TCF4: variants seen among roughly 807,000 people sequenced by gnomAD.
The protein encoded by TCF4 is SL3-3 enhancer factor 2.
A neutral mutation model predicts 82.1 loss-of-function variants in TCF4; 3 were observed. The observed-to-expected ratio is 0.04, with a 90% CI of 0.02 to 0.09. TCF4 has a LOEUF of 0.09. Ranked by LOEUF, TCF4 falls within the 10% of genes least tolerant of loss-of-function variation. TCF4 has a pLI of 1.00. For missense variants in TCF4, 518 were observed against 852.7 expected, an observed-to-expected ratio of 0.61 and a Z score of 4.89; for synonymous variants, 276 against 309.6, an observed-to-expected ratio of 0.89 and a Z score of 1.14.
intron 8 of TCF4, chr18:55,302,560 C>G: frequency 6.5e-7 from 1 of 1,534,948 alleles, no homozygotes; most frequent in Non-Finnish European, 8.7e-7. Flanking sequence ...AAGGAGCAAG[C>G]AGGACCACAG....
intron 5 of TCF4, among the ~76,000 whole-genome samples, chr18:55,442,020 A>C (rs761832064): frequency 6.6e-6 from 1 of 152,238 alleles, no homozygotes; most frequent in Admixed American, 6.5e-5. Flanking sequence ...TTCTTATAGC[A>C]CTAATGTTTC....
chr18:55,501,730 G>A (rs1394060184), intron 3 of TCF4, among the ~76,000 whole-genome samples: 1 of 151,864 alleles, frequency 6.6e-6, no homozygotes, highest in African/African-American at 2.4e-5. Flanking sequence ...CTTCGCTGAA[G>A]AAAACAGCTG....
intron 13 of TCF4, among the ~76,000 whole-genome samples, chr18:55,257,965 T>G (rs1302916780): frequency 6.6e-6 from 1 of 152,130 alleles, no homozygotes; most frequent in African/African-American, 2.4e-5. Flanking sequence ...TTCATTAAAC[T>G]TGAAGGTAAA....
At chr18:55,275,294 A>AC (rs1357758458) in intron 10 of TCF4, among the ~76,000 whole-genome samples, 77 of 151,102 alleles carry the variant, frequency 5.1e-4, no homozygotes, top group African/African-American at 1.7e-3. Context: ...AAAAAAAAAA[A>AC]AAAACCAGGA....
At chr18:55,315,155 T>C (rs1391599603) in intron 8 of TCF4, among the ~76,000 whole-genome samples, 1 of 151,678 alleles carries the variant, frequency 6.6e-6, no homozygotes, top group African/African-American at 2.4e-5. Context: ...TGGTTGAGCC[T>C]GAAATTAGAC....
Position 55,588,075 on chromosome 18 carries a change from G to A in TCF4, c.-58C>T. The A allele has an allele frequency of 1.0e-6, 1 of 993,934 alleles. No individual in the cohort carries two copies. Among genetic ancestry groups the A allele is most frequent in the Non-Finnish European group, 1.2e-6 (1 of 837,596 alleles). 61.6% of individuals were successfully genotyped at this position (993,934 alleles called of 1,614,324 possible). On this transcript the variant is annotated 5_prime_UTR_variant, in exon 1 of 20. Coordinates refer to ENST00000354452, the MANE Select transcript of TCF4 (RefSeq NM_001083962.2). ...AGAAGGGGCTCTCCGTGCACCGCCG[G>A]CGCCGAGGCGGCGTTCATGTCTAAC...
intron 8 of TCF4, among the ~76,000 whole-genome samples, chr18:55,288,644 C>T (rs899641271): frequency 1.3e-5 from 2 of 152,094 alleles, no homozygotes; most frequent in African/African-American, 4.8e-5. Flanking sequence ...CTGTTTTGCC[C>T]GTAGAGAAGA....
intron 3 of TCF4, among the ~76,000 whole-genome samples, chr18:55,498,686 C>G (rs1164978426): frequency 1.3e-5 from 2 of 152,192 alleles, no homozygotes; most frequent in Non-Finnish European, 2.9e-5. Context: ...GACCTGGCAC[C>G]TGAACCTCAG....
intron 8 of TCF4, among the ~76,000 whole-genome samples, chr18:55,283,190 ATTTT>A (rs771469094): frequency 6.9e-6 from 1 of 144,456 alleles, no homozygotes; most frequent in East Asian, 2.0e-4. Flanking sequence ...TACAGATTTA[ATTTT>A]TTTTTTTTTT....
At chr18:55,563,055 C>T (rs1422146784) in intron 3 of TCF4, among the ~76,000 whole-genome samples, 1 of 152,008 alleles carries the variant, frequency 6.6e-6, no homozygotes, top group Non-Finnish European at 1.5e-5. Context: ...GCCTGGGCAA[C>T]ATGCTGAAAC....
In TCF4 at chr18:55,232,661, T is replaced by C. The variant is rs746159344; in HGVS notation, c.1497A>G (p.Pro499=). 3 of 1,614,200 alleles carry C rather than the reference T, an allele frequency of 1.9e-6. No homozygotes were observed. Among genetic ancestry groups the C allele is most frequent in the Non-Finnish European group, 2.5e-6 (3 of 1,180,020 alleles). ...PPQDPYRGMP[P]GLQGQSVSSG... ...AGGAGACACTCTGCCCCTGTAGTCC[T>C]GGTGGCATGCCTGCCGAAAAAGAGA... The change falls in exon 17 of 20, where the codon CCA becomes CCG. Residue 499 remains proline, a synonymous_variant. Coordinates refer to ENST00000354452, the MANE Select transcript of TCF4 (RefSeq NM_001083962.2).
At chr18:55,483,565 T>C (rs2096472546) in intron 3 of TCF4, among the ~76,000 whole-genome samples, 1 of 152,214 alleles carries the variant, frequency 6.6e-6, no homozygotes, top group Non-Finnish European at 1.5e-5. Flanking sequence ...GTATGCCTTA[T>C]CCCCTGACAG....
intron 3 of TCF4, among the ~76,000 whole-genome samples, chr18:55,480,965 G>A (rs754168546): frequency 5.3e-5 from 8 of 152,022 alleles, no homozygotes; most frequent in South Asian, 2.1e-4. Flanking sequence ...ATTGCTGGGC[G>A]TGGTGGCAGG....
chr18:55,608,219 T>A (rs185412705), intron 2 of TCF4, among the ~76,000 whole-genome samples: 1 of 152,166 alleles, frequency 6.6e-6, no homozygotes, highest in African/African-American at 2.4e-5. Flanking sequence ...ATACTGATAT[T>A]TTGAGGGGTT....
intron 15 of TCF4, among the ~76,000 whole-genome samples, chr18:55,236,634 T>C (rs1375959795): frequency 1.3e-5 from 2 of 152,182 alleles, no homozygotes; most frequent in East Asian, 3.8e-4. Context: ...TCCATTGAGG[T>C]TTTGATTTGC....
intron 2 of TCF4, among the ~76,000 whole-genome samples, chr18:55,600,051 G>T (rs182540104): frequency 6.6e-6 from 1 of 150,890 alleles, no homozygotes; most frequent in African/African-American, 2.4e-5. Context: ...GGAGAAGGCT[G>T]TTTTTTTTTA....
intron 15 of TCF4, among the ~76,000 whole-genome samples, 197 bp downstream of exon 15, chr18:55,254,300 C>T (rs2056168454): frequency 6.6e-6 from 1 of 152,096 alleles, no homozygotes; most frequent in African/African-American, 2.4e-5. Flanking sequence ...TATTCAAAAC[C>T]TAGACTATGG....
intron 5 of TCF4, among the ~76,000 whole-genome samples, chr18:55,406,223 A>G (rs146044997): frequency 0.012 from 1,749 of 150,872 alleles, 20 homozygotes; most frequent in Non-Finnish European, 0.019. Flanking sequence ...TCCAGAGATC[A>G]TGAACAAACA....
intron 2 of TCF4, among the ~76,000 whole-genome samples, chr18:55,624,134 AG>A (rs2097724259): frequency 6.6e-6 from 1 of 152,104 alleles, no homozygotes; most frequent in Non-Finnish European, 1.5e-5. Context: ...TGAGCAATAA[AG>A]GGGTTTTTAT....
Sources: gnomAD v4.1 joint callset for allele counts (sites outside exome capture counted in the v4.1 genomes callset) on GRCh38, gnomAD v4.1.1 for gene constraint, MANE v1.5 for transcripts, NCBI Gene and HGNC (gene_info 2026-07-23, HGNC 2026-07-21) for gene names.